The following MINDY4B variants were observed in gnomAD, a reference collection of about 807,000 sequenced individuals.
MINDY4B encodes the protein MINDY family member 4B, also known as inactive ubiquitin carboxyl-terminal hydrolase MINDY-4B.
In MINDY4B, 25 loss-of-function variants were observed where a neutral mutation model predicts 16.7. That is an observed-to-expected ratio of 1.49 (90% confidence interval 1.09 to 2.09). The LOEUF (loss-of-function observed/expected upper bound fraction) is 2.09, where lower values mean the gene tolerates loss of function less well. Among genes scored for constraint, MINDY4B ranks in the 30% most tolerant of loss-of-function variants. MINDY4B has a pLI of 0.00. For missense variants in MINDY4B, 327 were observed against 168.4 expected (o/e 1.94, Z -5.21); for synonymous variants, 132 against 61.9 (o/e 2.13, Z -5.32).
chr3:150,882,241 CTCT>C (rs1711531581), intron 10 of MINDY4B, among the ~76,000 whole-genome samples: 1 of 152,122 alleles, frequency 6.6e-6, no homozygotes, highest in South Asian at 2.1e-4. Flanking sequence ...TGCTTTGTCA[CTCT>C]TCTTCTGTTT....
chr3:150,885,206 G>A (rs1711591231), intron 8 of MINDY4B, among the ~76,000 whole-genome samples, 162 bp downstream of exon 8: 1 of 152,150 alleles, frequency 6.6e-6, no homozygotes, highest in African/African-American at 2.4e-5. Flanking sequence ...CATTAAGATG[G>A]CCAAACCAAC....
intron 6 of MINDY4B, 137 bp from the exon 7 acceptor site, chr3:150,890,522 CT>C (rs779815789): frequency 4.1e-6 from 2 of 490,332 alleles, no homozygotes; most frequent in Non-Finnish European, 7.2e-6. Flanking sequence ...GACATACTAT[CT>C]TATGCAAGGC....
intron 8 of MINDY4B, among the ~76,000 whole-genome samples, chr3:150,884,803 C>G (rs1711581731): frequency 6.6e-6 from 1 of 152,182 alleles, no homozygotes; most frequent in African/African-American, 2.4e-5. Flanking sequence ...CCTGACCACC[C>G]TGTCAGCAGA....
At chr3:150,879,335 C>A (rs895693924) in intron 10 of MINDY4B, among the ~76,000 whole-genome samples, 3 of 152,062 alleles carry the variant, frequency 2.0e-5, no homozygotes, top group Non-Finnish European at 4.4e-5. Flanking sequence ...TATTGCCACA[C>A]TGGGGCCAGT....
At position 150,890,091 on chromosome 3, in the gene MINDY4B, C is replaced by T. The variant is rs1711758733; in HGVS notation, c.753+229G>A. Among the ~76,000 whole-genome samples the T allele has an allele frequency of 1.3e-5, 2 of 152,080 alleles. 1 individual carries two copies. Among genetic ancestry groups the T allele is most frequent in the South Asian group, 4.1e-4 (2 of 4,820 alleles). On this transcript the variant is annotated intron_variant, in intron 7 of 11. Coordinates refer to ENST00000465419, the MANE Select transcript of MINDY4B (RefSeq NM_001351281.2). Reference sequence around the variant, plus strand: ...TGGATTATTCTCTGGTCTTGATTAACCAAAGAAAAAGATGCATTCGTGAGT... The same window carrying T: ...TGGATTATTCTCTGGTCTTGATTAATCAAAGAAAAAGATGCATTCGTGAGT...
chr3:150,882,943 T>C lies in MINDY4B; in HGVS notation c.1013A>G (p.Tyr338Cys), dbSNP rs770668187. ...CGAGGCATCCTTACCCCACTGCAAA[T>C]AGCCAACATCACTGCGGGTCAGGAC... is the stretch of plus-strand genomic sequence containing the variant. ...HGVLTRSDVG[Y>C]LQWGKDASED... is the part of the protein sequence containing the mutation. Residue 338 changes from tyrosine to cysteine, a missense_variant, in exon 10 of 12, where the codon TAT (tyrosine) becomes TGT (cysteine). Tyr to Cys is a radical substitution (Grantham distance 194, BLOSUM62 -2). Coordinates refer to ENST00000465419, the MANE Select transcript of MINDY4B (RefSeq NM_001351281.2). 8.5e-5 allele frequency: 60 copies of C among 702,704 alleles called. No individual in the cohort carries two copies. Among genetic ancestry groups the C allele is most frequent in the Non-Finnish European group, 8.3e-5 (32 of 384,756 alleles). 43.5% of individuals were successfully genotyped at this position (702,704 alleles called of 1,614,324 possible).
chr3:150,885,086 G>A (rs1711588982), intron 8 of MINDY4B, among the ~76,000 whole-genome samples: 2 of 152,154 alleles, frequency 1.3e-5, no homozygotes, highest in Admixed American at 6.5e-5. Context: ...TATGAAACTT[G>A]TACAAACAAG....
Position 150,899,011 on chromosome 3 carries a change from C to G in MINDY4B, c.309+4238G>C, listed in dbSNP as rs538778406. On this transcript the variant is annotated intron_variant, in intron 3 of 11. Transcript: ENST00000465419. ...CTAGACCATCATGGAATCAGAGATT[C>G]CAAGATGTTCTAAGAAGACATTTCT... Among the ~76,000 whole-genome samples the G allele has an allele frequency of 2.0e-5, 3 of 152,252 alleles. No individual in the cohort carries two copies. The East Asian group carries it at 5.8e-4, about 29-fold the overall frequency.
chr3:150,890,438 TA>T, intron 6 of MINDY4B, 53 bp from the exon 7 acceptor site: 1 of 571,794 alleles, frequency 1.7e-6, no homozygotes, highest in South Asian at 2.2e-5. Flanking sequence ...AAGTTACATC[TA>T]AGAGATGTCA....
intron 7 of MINDY4B, among the ~76,000 whole-genome samples, chr3:150,887,305 C>T (rs990985749): frequency 5.9e-5 from 9 of 152,182 alleles, no homozygotes; most frequent in African/African-American, 2.2e-4. Context: ...TATTCCATCA[C>T]ACTGCTCAGA....
intron 10 of MINDY4B, among the ~76,000 whole-genome samples, chr3:150,876,060 G>A (rs908485121): frequency 6.6e-6 from 1 of 152,204 alleles, no homozygotes; most frequent in African/African-American, 2.4e-5. Flanking sequence ...CATCAATGCT[G>A]AATTTGTGCA....
intron 7 of MINDY4B, among the ~76,000 whole-genome samples, chr3:150,890,097 A>T (rs1319102845): frequency 2.0e-5 from 3 of 152,056 alleles, no homozygotes; most frequent in Admixed American, 2.0e-4. Flanking sequence ...TTAACCAAAG[A>T]AAAAGATGCA....
At chr3:150,876,878 T>A (rs1487823977) in intron 10 of MINDY4B, among the ~76,000 whole-genome samples, 2 of 152,164 alleles carry the variant, frequency 1.3e-5, no homozygotes, top group South Asian at 4.1e-4. Flanking sequence ...CTGCTTTATG[T>A]TCTCACTTAG....
At chr3:150,873,968 G>GT (rs1187774647) in intron 10 of MINDY4B, among the ~76,000 whole-genome samples, 1 of 137,054 alleles carries the variant, frequency 7.3e-6, no homozygotes, top group Non-Finnish European at 1.6e-5. Context: ...CTTGTTATCG[G>GT]TTTTTTTCTA....
At chr3:150,880,901 A>G (rs895286670) in intron 10 of MINDY4B, among the ~76,000 whole-genome samples, 2 of 152,200 alleles carry the variant, frequency 1.3e-5, no homozygotes, top group African/African-American at 4.8e-5. Flanking sequence ...AAATATGTAA[A>G]ATGAAATCTA....
Position 150,890,335 on chromosome 3 carries a change from G to C in MINDY4B, c.738C>G (p.Tyr246Ter), listed in dbSNP as rs896880933. Reference sequence around the variant, plus strand: ...AAACACTTACACATAGTAAGTGATCGTAGATGAATTTCTCAGCGGCTTCTT... The same window carrying C: ...AAACACTTACACATAGTAAGTGATCCTAGATGAATTTCTCAGCGGCTTCTT... ...LEKEAAEKFI[Y>*]DHLLCFRGEG... The change falls in exon 7 of 12, where the codon TAC becomes TAG. Residue 246 changes from tyrosine to a stop codon, truncating the protein, a stop_gained. Transcript: ENST00000465419. LOFTEE classifies it high-confidence loss of function. 1.6e-6 allele frequency: 1 copy of C among 631,380 alleles called. No homozygotes were observed. 39.1% of individuals were successfully genotyped at this position (631,380 alleles called of 1,614,324 possible).
At chr3:150,898,983 T>C (rs1383138660) in intron 3 of MINDY4B, among the ~76,000 whole-genome samples, 2 of 152,170 alleles carry the variant, frequency 1.3e-5, no homozygotes, top group Non-Finnish European at 2.9e-5. Flanking sequence ...GCCTTATGAA[T>C]TACTAGACCA....
rs912474252 is a variant in MINDY4B at position 150,870,854 on chromosome 3, C to T, written c.*191G>A. On this transcript the variant is annotated 3_prime_UTR_variant, in exon 12 of 12. Coordinates refer to ENST00000465419, the MANE Select transcript of MINDY4B (RefSeq NM_001351281.2). ...GGCCCTGGTGTGGGGGCCTGTGTTT[C>T]TCCTACAATGCTGACAGCTAGGGAT... Among the ~76,000 whole-genome samples, 2 of 152,260 alleles carry T rather than the reference C, an allele frequency of 1.3e-5. No homozygotes were observed. The highest frequency in any genetic ancestry group is 6.5e-5 in the Admixed American group (1 of 15,300).
intron 10 of MINDY4B, among the ~76,000 whole-genome samples, chr3:150,873,935 G>A (rs781068565): frequency 2.7e-5 from 4 of 149,288 alleles, no homozygotes; most frequent in Non-Finnish European, 4.4e-5. Context: ...ATGATCATTT[G>A]TGAAGATGTT....
Sources: gnomAD v4.1 joint callset for allele counts (sites outside exome capture counted in the v4.1 genomes callset) on GRCh38, gnomAD v4.1.1 for gene constraint, MANE v1.5 for transcripts, NCBI Gene and HGNC (gene_info 2026-07-23, HGNC 2026-07-21) for gene names.